The following CDH13 variants were observed in gnomAD, a reference collection of about 807,000 sequenced individuals.
CDH13 encodes the protein cadherin 13, also known as cadherin-13.
In CDH13, 24 loss-of-function variants were observed where a neutral mutation model predicts 63.8. The ratio of observed to expected loss-of-function variants is 0.38; its 90% confidence interval spans 0.27 to 0.53. The LOEUF (loss-of-function observed/expected upper bound fraction) is 0.53, where lower values mean the gene tolerates loss of function less well. CDH13 is among the 20% of genes least tolerant of loss of function. The pLI is 0.85. For synonymous variants in CDH13, 503 were observed against 355.3 expected (o/e 1.42, Z -4.67); for missense variants, 1,049 against 903.1 (o/e 1.16, Z -2.07).
intron 2 of CDH13, among the ~76,000 whole-genome samples, chr16:82,896,767 A>ATTTT: frequency 2.1e-5 from 3 of 139,696 alleles, no homozygotes; most frequent in African/African-American, 8.3e-5. Context: ...CTGCTGTGCA[A>ATTTT]TTCTTTTTTT....
rs192778694 is a variant in CDH13 at position 83,095,538 on chromosome 16, G to A, written c.367-29847G>A. ...AACTATGTTATAATGCAAATATCAC[G>A]TTATCTTTCTATGATTTTTCTAACC... On this transcript the variant is annotated intron_variant, in intron 3 of 13. Coordinates refer to ENST00000567109, the MANE Select transcript of CDH13 (RefSeq NM_001257.5). Among the ~76,000 whole-genome samples, 193 of 152,208 alleles carry A rather than the reference G, an allele frequency of 1.3e-3. 1 individual carries two copies. The highest frequency in any genetic ancestry group is 9.6e-3 in the South Asian group (46 of 4,816).
chr16:83,265,036 G>A (rs1319353505), intron 5 of CDH13, among the ~76,000 whole-genome samples: 2 of 152,040 alleles, frequency 1.3e-5, no homozygotes, highest in African/African-American at 2.4e-5. Context: ...TTTGTTTAGT[G>A]TTCTATGTAT....
chr16:83,732,647 T>A (rs1597143253), intron 10 of CDH13, among the ~76,000 whole-genome samples: 1 of 152,150 alleles, frequency 6.6e-6, no homozygotes, highest in East Asian at 1.9e-4. Context: ...GCAACTGATG[T>A]TCCCACACGT....
At chr16:82,866,862 A>G (rs550805012) in intron 2 of CDH13, among the ~76,000 whole-genome samples, 1 of 152,288 alleles carries the variant, frequency 6.6e-6, no homozygotes, top group South Asian at 2.1e-4. Context: ...CGAGAGCAGC[A>G]TAGAGGAAAC....
At chr16:83,486,409 G>C (rs921430528) in intron 6 of CDH13, 68 bp from the exon 7 acceptor site, 1 of 1,404,354 alleles carries the variant, frequency 7.1e-7, no homozygotes, top group Non-Finnish European at 9.8e-7. Context: ...TGCCCAGGTG[G>C]GGAAGGGGCT....
intron 1 of CDH13, among the ~76,000 whole-genome samples, chr16:82,791,977 T>C (rs971550009): frequency 2.0e-5 from 3 of 152,114 alleles, no homozygotes; most frequent in African/African-American, 4.8e-5. Flanking sequence ...CCCGCCCGTA[T>C]CATGGGGATT....
At chr16:83,177,128 T>G (rs928635259) in intron 4 of CDH13, among the ~76,000 whole-genome samples, 2 of 152,196 alleles carry the variant, frequency 1.3e-5, no homozygotes, top group African/African-American at 4.8e-5. Flanking sequence ...ATTTTAAATC[T>G]TATTTAATTT....
intron 1 of CDH13, among the ~76,000 whole-genome samples, chr16:82,822,879 G>C (rs557862333): frequency 1.3e-5 from 2 of 152,236 alleles, no homozygotes; most frequent in East Asian, 3.9e-4. Context: ...GATTGTCTGG[G>C]CTCCGCTAGG....
At chr16:83,493,516 C>T (rs2074067066) in intron 7 of CDH13, among the ~76,000 whole-genome samples, 4 of 152,148 alleles carry the variant, frequency 2.6e-5, no homozygotes, top group Admixed American at 2.0e-4. Context: ...CAAACCGAAC[C>T]TTGATGGCTG....
At chr16:82,966,728 A>T (rs1397023957) in intron 2 of CDH13, among the ~76,000 whole-genome samples, 1 of 152,198 alleles carries the variant, frequency 6.6e-6, no homozygotes, top group Non-Finnish European at 1.5e-5. Context: ...ATATTATCAC[A>T]TTTACTTAAT....
At chr16:83,424,634 A>T (rs2071830985) in intron 6 of CDH13, among the ~76,000 whole-genome samples, 5 of 152,248 alleles carry the variant, frequency 3.3e-5, no homozygotes. Context: ...AATAAAAAGG[A>T]AGAAATTACA....
At chr16:83,470,042 T>G (rs752225977) in intron 6 of CDH13, among the ~76,000 whole-genome samples, 3 of 152,186 alleles carry the variant, frequency 2.0e-5, no homozygotes, top group Admixed American at 6.5e-5. Context: ...AGGCAACTAT[T>G]ACAGTACAAG....
At chr16:82,906,586 A>G (rs953315641) in intron 2 of CDH13, among the ~76,000 whole-genome samples, 72 of 152,194 alleles carry the variant, frequency 4.7e-4, no homozygotes, top group Non-Finnish European at 1.9e-4. Context: ...GAAAATGTCT[A>G]GTGCACATTA....
chr16:82,729,859 G>A (rs750766301), intron 1 of CDH13, among the ~76,000 whole-genome samples: 53 of 152,168 alleles, frequency 3.5e-4, no homozygotes, highest in Non-Finnish European at 5.9e-4. Context: ...AGATCTTCTG[G>A]AAAACTTGTT....
At chr16:82,690,023 C>G (rs1157589852) in intron 1 of CDH13, among the ~76,000 whole-genome samples, 3 of 55,534 alleles carry the variant, frequency 5.4e-5, no homozygotes, top group African/African-American at 1.3e-4. Context: ...AAAAAATTAG[C>G]CAGGCATGGT....
intron 4 of CDH13, among the ~76,000 whole-genome samples, chr16:83,195,355 T>G (rs2038848610): frequency 6.6e-6 from 1 of 152,038 alleles, no homozygotes; most frequent in Non-Finnish European, 1.5e-5. Flanking sequence ...AGTAAAGAGG[T>G]TGAATTGACT....
chr16:82,959,024 A>G (rs1169408030), intron 2 of CDH13, among the ~76,000 whole-genome samples: 1 of 152,226 alleles, frequency 6.6e-6, no homozygotes, highest in African/African-American at 2.4e-5. Context: ...ATCAGACAGT[A>G]TTTTGGCGAG....
intron 2 of CDH13, among the ~76,000 whole-genome samples, chr16:83,000,794 T>G (rs572315655): frequency 1.3e-5 from 2 of 152,154 alleles, no homozygotes; most frequent in South Asian, 4.2e-4. Context: ...TTAGCCAAGA[T>G]GATCTCAATC....
intron 6 of CDH13, among the ~76,000 whole-genome samples, chr16:83,397,650 T>C (rs373694088): frequency 3.3e-5 from 5 of 152,118 alleles, no homozygotes; most frequent in Non-Finnish European, 5.9e-5. Context: ...GCTTGAAGAG[T>C]TGCTTATTTG....
Sources: gnomAD v4.1 joint callset for allele counts (sites outside exome capture counted in the v4.1 genomes callset) on GRCh38, gnomAD v4.1.1 for gene constraint, MANE v1.5 for transcripts, NCBI Gene and HGNC (gene_info 2026-07-23, HGNC 2026-07-21) for gene names.